PTPRD: variants seen among roughly 807,000 people sequenced by gnomAD.
PTPRD encodes protein tyrosine phosphatase receptor type D.
Under a neutral mutation model 214.5 loss-of-function variants are expected in PTPRD, and 34 were observed. That is an observed-to-expected ratio of 0.16 (90% CI 0.12 to 0.21). PTPRD has a LOEUF of 0.21. PTPRD is among the 10% of genes least tolerant of loss of function. The probability of loss-of-function intolerance (pLI) is 1.00; values close to 1 mark genes in which losing one functional copy is unlikely to be tolerated. For synonymous variants in PTPRD, 1,128 were observed against 845.7 expected (o/e 1.33, Z -5.79); for missense variants, 2,545 against 2,398.7 (o/e 1.06, Z -1.27).
intron 8 of PTPRD, among the ~76,000 whole-genome samples, chr9:9,450,579 A>G (rs1588769917): frequency 6.6e-6 from 1 of 151,934 alleles, no homozygotes; most frequent in Admixed American, 6.6e-5. Flanking sequence ...AGACATATGT[A>G]AATTCTTATC....
At chr9:8,410,620 G>C (rs777161466) in intron 35 of PTPRD, among the ~76,000 whole-genome samples, 43 of 152,250 alleles carry the variant, frequency 2.8e-4, no homozygotes, top group Middle Eastern at 3.4e-3. Flanking sequence ...CCCACCTTTA[G>C]TAGTAGAAAA....
chr9:8,330,771 G>A (rs1839651697), intron 44 of PTPRD, among the ~76,000 whole-genome samples: 1 of 152,064 alleles, frequency 6.6e-6, no homozygotes, highest in Non-Finnish European at 1.5e-5. Flanking sequence ...TTGAGATCCT[G>A]CCTTCTATGT....
intron 4 of PTPRD, among the ~76,000 whole-genome samples, chr9:9,951,067 T>C (rs1248091991): frequency 6.6e-6 from 1 of 152,134 alleles, no homozygotes. Context: ...GGCATGTAAA[T>C]GCGTCATAAG....
intron 9 of PTPRD, among the ~76,000 whole-genome samples, chr9:9,355,574 T>C (rs1384383274): frequency 6.6e-6 from 1 of 151,542 alleles, no homozygotes; most frequent in Non-Finnish European, 1.5e-5. Context: ...AGGGACTTAG[T>C]TTTTGGACAA....
At chr9:9,320,797 C>T (rs1019896399) in intron 9 of PTPRD, among the ~76,000 whole-genome samples, 3 of 152,164 alleles carry the variant, frequency 2.0e-5, no homozygotes, top group Non-Finnish European at 2.9e-5. Context: ...GATACCTCTA[C>T]ATATTTGGGA....
chr9:9,301,272 C>A lies in PTPRD; in HGVS notation c.-203+96177G>T, dbSNP rs1237593335. On this transcript the variant is annotated intron_variant, in intron 9 of 45. Transcript: ENST00000381196. ...TTTAGGCAACATAATCAAGAGCTGT[C>A]AAAACAGATTTCATGCTATTTTTAG... Among the ~76,000 whole-genome samples, 3 of 151,784 alleles carry A rather than the reference C, an allele frequency of 2.0e-5. No homozygotes were observed. In the East Asian group the frequency reaches 5.8e-4, roughly 29 times the overall value.
intron 7 of PTPRD, among the ~76,000 whole-genome samples, chr9:9,733,067 C>G (rs1447862433): frequency 6.6e-6 from 1 of 152,164 alleles, no homozygotes; most frequent in Non-Finnish European, 1.5e-5. Flanking sequence ...AAATTCTACT[C>G]AGGCCTAGTA....
intron 3 of PTPRD, among the ~76,000 whole-genome samples, chr9:10,200,791 T>A (rs889726397): frequency 6.6e-6 from 1 of 152,098 alleles, no homozygotes; most frequent in African/African-American, 2.4e-5. Flanking sequence ...GAATTTTACC[T>A]GAGGAAAAAT....
intron 4 of PTPRD, among the ~76,000 whole-genome samples, chr9:9,960,571 G>C (rs2094292908): frequency 6.6e-6 from 1 of 152,072 alleles, no homozygotes; most frequent in Non-Finnish European, 1.5e-5. Context: ...ATGTACTTTT[G>C]ATGGGATGAG....
chr9:10,310,948 A>T (rs971385330), intron 3 of PTPRD, among the ~76,000 whole-genome samples: 1 of 152,022 alleles, frequency 6.6e-6, no homozygotes, highest in African/African-American at 2.4e-5. Flanking sequence ...ATGCATTCAA[A>T]CTTTCTTTGC....
chr9:10,583,907 T>A (rs4741038), intron 2 of PTPRD, among the ~76,000 whole-genome samples: 24,265 of 152,064 alleles, frequency 0.16, 2,614 homozygotes, highest in East Asian at 0.53. Context: ...TCTAGAAACC[T>A]CAGAGAAGAC....
intron 11 of PTPRD, among the ~76,000 whole-genome samples, chr9:9,014,183 T>G (rs2099523730): frequency 1.7e-5 from 2 of 116,728 alleles, no homozygotes; most frequent in East Asian, 2.1e-4. Context: ...CCTCGTTTTT[T>G]TTTGTTTGTT....
chr9:8,844,212 CT>C (rs1242489696), intron 11 of PTPRD, among the ~76,000 whole-genome samples: 1 of 152,106 alleles, frequency 6.6e-6, no homozygotes, highest in Non-Finnish European at 1.5e-5. Context: ...TGGATACAAT[CT>C]TTTATCTATG....
intron 3 of PTPRD, among the ~76,000 whole-genome samples, chr9:10,108,486 A>G (rs970149588): frequency 6.6e-6 from 1 of 151,660 alleles, no homozygotes; most frequent in Non-Finnish European, 1.5e-5. Flanking sequence ...ACCCCATCCC[A>G]GCTTCTGGTA....
intron 3 of PTPRD, among the ~76,000 whole-genome samples, chr9:10,307,279 T>C (rs2096110194): frequency 6.6e-6 from 1 of 152,120 alleles, no homozygotes; most frequent in Admixed American, 6.6e-5. Context: ...GCTACCTCCA[T>C]GAAATAAACA....
chr9:8,738,850 T>C (rs1026303342), intron 11 of PTPRD, among the ~76,000 whole-genome samples: 1 of 152,312 alleles, frequency 6.6e-6, no homozygotes, highest in African/African-American at 2.4e-5. Flanking sequence ...CATTTTTCTA[T>C]CATAACAAAC....
intron 4 of PTPRD, among the ~76,000 whole-genome samples, chr9:9,994,233 T>C (rs2096050881): frequency 1.3e-5 from 2 of 152,190 alleles, no homozygotes; most frequent in Admixed American, 1.3e-4. Context: ...GAGCTCACCC[T>C]CTTGGATGCT....
At chr9:9,493,301 G>T (rs1008980366) in intron 8 of PTPRD, among the ~76,000 whole-genome samples, 2 of 152,062 alleles carry the variant, frequency 1.3e-5, no homozygotes, top group African/African-American at 2.4e-5. Flanking sequence ...AAAGCCCATT[G>T]TGGAGAACTT....
chr9:8,709,473 T>C (rs190378104), intron 12 of PTPRD, among the ~76,000 whole-genome samples: 4,030 of 134,902 alleles, frequency 0.03, 92 homozygotes, highest in Middle Eastern at 0.12. Flanking sequence ...CAAGATCACA[T>C]CACTGCACTC....
Sources: gnomAD v4.1 joint callset for allele counts (sites outside exome capture counted in the v4.1 genomes callset) on GRCh38, gnomAD v4.1.1 for gene constraint, MANE v1.5 for transcripts, NCBI Gene and HGNC (gene_info 2026-07-23, HGNC 2026-07-21) for gene names.